Variants in KLHL26 observed in about 807,000 individuals in gnomAD.
KLHL26 encodes kelch like family member 26, also known as kelch-like protein 26.
KLHL26 carries 4 observed loss-of-function variants against 7.1 expected under a neutral mutation model. The observed-to-expected ratio is 0.56, with a 90% confidence interval of 0.28 to 1.28. The LOEUF (loss-of-function observed/expected upper bound fraction) is 1.28. KLHL26 is among the 50% of genes most tolerant of loss of function. KLHL26 has a pLI of 0.11. For missense variants in KLHL26, 896 were observed against 924.6 expected, an observed-to-expected ratio of 0.97 and a Z score of 0.40; for synonymous variants, 465 against 414.1, an observed-to-expected ratio of 1.12 and a Z score of -1.49.
intron 1 of KLHL26, among the ~76,000 whole-genome samples, chr19:18,641,468 G>A (rs1016660228): frequency 5.3e-5 from 8 of 151,460 alleles, no homozygotes; most frequent in African/African-American, 1.9e-4. Context: ...ACAGGTGCAT[G>A]CTACCACACC....
Position 18,649,957 on chromosome 19 carries a change from A to G in KLHL26, c.83+12820A>G, listed in dbSNP as rs1976874961. On this transcript the variant is annotated intron_variant, in intron 1 of 2. Transcript: ENST00000300976. This position sits in a 1 kb window ranked among gnomAD's most constrained non-coding sequence, Gnocchi z 4.0. ...CTCTGTGTGCACCACCACGGTGCAC[A>G]CTGAAAATATTGTGATCTGGGAGGA... Among the ~76,000 whole-genome samples, 1 of 152,208 alleles carries G rather than the reference A, an allele frequency of 6.6e-6. No individual in the cohort carries two copies. Among genetic ancestry groups the G allele is most frequent in the South Asian group, 2.1e-4 (1 of 4,832 alleles).
rs1347359248 is a variant in KLHL26, at chr19:18,669,229, C to T, written c.1832C>T (p.Ala611Val). ...IACAPVLLPR[A>V]GTRR ...TGCGCCCCCGTCCTGCTGCCCCGGG[C>T]CGGGACCAGGAGGTAGCCCCCAAGA... The change falls in exon 3 of 3, where the codon GCC becomes GTC. Residue 611 changes from alanine (A) to valine (V), a missense_variant. Physicochemically the swap from Ala to Val is moderately conservative, Grantham distance 64 (BLOSUM62 0). Coordinates refer to ENST00000300976, the MANE Select transcript of KLHL26 (RefSeq NM_018316.3). The T allele has an allele frequency of 1.1e-5, 17 of 1,609,756 alleles. No homozygotes were observed. In the African/African-American group the frequency reaches 1.1e-4, roughly 10 times the overall value.
chr19:18,667,535 A>G (rs937894255), intron 2 of KLHL26, 129 bp from the exon 3 acceptor site: 9 of 1,440,256 alleles, frequency 6.2e-6, no homozygotes, highest in South Asian at 2.8e-5. Flanking sequence ...CATTCCGCCT[A>G]CTTTCCTCTT....
At position 18,659,553 on chromosome 19, in the gene KLHL26, C is replaced by T. The variant is rs1424746834; in HGVS notation, c.84-4708C>T. ...GCCTATGAGGGGCAATGCCGGCAGG[C>T]TCCGTTCTGGCCCGAGCGCTGGGCT... On this transcript the variant is annotated intron_variant, in intron 1 of 2. Coordinates refer to ENST00000300976, the MANE Select transcript of KLHL26 (RefSeq NM_018316.3). 2.0e-5 allele frequency: 3 copies of T among 152,372 alleles called. No individual in the cohort carries two copies. In the East Asian group the frequency reaches 5.8e-4, roughly 29 times the overall value. 9.4% of individuals were successfully genotyped at this position (152,372 alleles called of 1,614,324 possible). A position where few individuals can be genotyped will look rare whatever the true frequency, so the allele number is the denominator to read the frequency against.
At position 18,668,489 on chromosome 19, in the gene KLHL26, C is replaced by T. The variant is rs1331780661; in HGVS notation, c.1092C>T (p.Tyr364=). 9.3e-6 allele frequency: 15 copies of T among 1,607,422 alleles called. No homozygotes were observed. In the East Asian group the frequency reaches 1.1e-4, roughly 12 times the overall value. The change falls in exon 3 of 3, where the codon TAC becomes TAT. Residue 364 remains tyrosine, a synonymous_variant. Coordinates refer to ENST00000300976, the MANE Select transcript of KLHL26 (RefSeq NM_018316.3). ...TGGCCGTGCTGGACAATTTTGTGTA[C>T]GTGGCCGGGGGGCAGCACCTGCAGT... ...TCVAVLDNFV[Y]VAGGQHLQYR...
chr19:18,652,309 G>T (rs115611136), intron 1 of KLHL26, among the ~76,000 whole-genome samples: 1 of 151,580 alleles, frequency 6.6e-6, no homozygotes, highest in Non-Finnish European at 1.5e-5. Context: ...GCTCCAGCAG[G>T]CCAGGTGCGG....
At chr19:18,658,473 C>T (rs2052356399) in intron 1 of KLHL26, among the ~76,000 whole-genome samples, 2 of 105,622 alleles carry the variant, frequency 1.9e-5, no homozygotes, top group African/African-American at 7.5e-5. Flanking sequence ...CTGTATTTCT[C>T]TCCTTGTCTC....
In KLHL26 at chr19:18,668,685, G is replaced by T. The variant is rs751466088; in HGVS notation, c.1288G>T (p.Val430Leu). 6.3e-7 allele frequency: 1 copy of T among 1,575,896 alleles called. No individual in the cohort carries two copies. Among genetic ancestry groups the T allele is most frequent in the African/African-American group, 1.3e-5 (1 of 74,504 alleles). ...GRNRAGSLAS[V>L]ERYCPRRNEW... ...CAACCGAGCCGGCAGCCTGGCCTCCGTGGAGCGGTACTGCCCCCGGCGCAA... is the reference window on the plus strand; with the variant it reads ...CAACCGAGCCGGCAGCCTGGCCTCCTTGGAGCGGTACTGCCCCCGGCGCAA... The change falls in exon 3 of 3, where the codon GTG (valine) becomes TTG (leucine). Residue 430 changes from valine to leucine, a missense_variant. Coordinates refer to ENST00000300976, the MANE Select transcript of KLHL26 (RefSeq NM_018316.3).
chr19:18,668,580 CGCCTGCAGGCCATGCAGGAAA>C lies in KLHL26; in HGVS notation c.1187_1207del (p.Leu396_Ser402del), dbSNP rs778104145. The stretch of plus-strand genomic sequence containing the variant: ...CGACCCCCACCTGAATCGCTGGCTG[CGCCTGCAGGCCATGCAGGAAA>C]GCCGCATCCAGTTCCAGCTGAACGT... On this transcript the variant is annotated inframe_deletion, in exon 3 of 3. Coordinates refer to ENST00000300976, the MANE Select transcript of KLHL26 (RefSeq NM_018316.3). 6.3e-7 allele frequency: 1 copy of C among 1,590,540 alleles called. No individual in the cohort carries two copies. Among genetic ancestry groups the C allele is most frequent in the Non-Finnish European group, 8.5e-7 (1 of 1,173,398 alleles).
intron 1 of KLHL26, among the ~76,000 whole-genome samples, chr19:18,644,965 A>G (rs937992119): frequency 6.6e-6 from 1 of 151,920 alleles, no homozygotes; most frequent in African/African-American, 2.4e-5. Flanking sequence ...GTTTGTTCCA[A>G]CTTCTGTCTT....
At chr19:18,667,452 C>T (rs1324797729) in intron 2 of KLHL26, 9 of 728,640 alleles carry the variant, frequency 1.2e-5, no homozygotes, top group African/African-American at 3.6e-5. Flanking sequence ...GATCCACCCG[C>T]CTGGGCTTCC....
rs764015226 is a variant in KLHL26, at chr19:18,670,902, G to C, written c.*1657G>C. On this transcript the variant is annotated 3_prime_UTR_variant, in exon 3 of 3. Transcript: ENST00000300976. ...TAATTTTTGTATTTTTAGTACAGACGGGGTTTCACCATGTTGGCCAGGCTG... is the reference window on the plus strand; with the variant it reads ...TAATTTTTGTATTTTTAGTACAGACCGGGTTTCACCATGTTGGCCAGGCTG... 1.3e-5 allele frequency: 2 copies of C among 152,068 alleles called. No homozygotes were observed. Among genetic ancestry groups the C allele is most frequent in the Non-Finnish European group, 2.9e-5 (2 of 68,048 alleles). The allele number at this position is 152,068 out of a possible 1,614,324, so 9.4% of individuals were successfully genotyped here.
chr19:18,650,903 C>T lies in KLHL26; in HGVS notation c.84-13358C>T, dbSNP rs959462492. On this transcript the variant is annotated intron_variant, in intron 1 of 2. Coordinates refer to ENST00000300976, the MANE Select transcript of KLHL26 (RefSeq NM_018316.3). The surrounding 1 kb of genome is among the most constrained non-coding windows in gnomAD (Gnocchi z 4.2). ...GCGGGGCTTCCTGACCCCTCAGCCC[C>T]GGTAGGAAGCTGGTGTGCACTGCAG... 1.3e-5 allele frequency among the ~76,000 whole-genome samples: 2 copies of T among 152,146 alleles called. No individual in the cohort carries two copies. Among genetic ancestry groups the T allele is most frequent in the Admixed American group, 6.5e-5 (1 of 15,280 alleles).
Position 18,637,150 on chromosome 19 carries a change from C to T in KLHL26, c.83+13C>T. On this transcript the variant is annotated intron_variant, in intron 1 of 2. Transcript: ENST00000300976. ...AGCGCCCGAACAGGTGAGACCCGGC[C>T]CGCAGGATAGACCTGCACCTGTCTT... 7.5e-7 allele frequency: 1 copy of T among 1,327,770 alleles called. No homozygotes were observed. The highest frequency in any genetic ancestry group is 9.6e-7 in the Non-Finnish European group (1 of 1,040,364). 82.2% of individuals were successfully genotyped at this position (1,327,770 alleles called of 1,614,324 possible).
chr19:18,667,780 T>TG lies in KLHL26; in HGVS notation c.385dup (p.Asp129GlyfsTer109). 6.2e-7 allele frequency: 1 copy of TG among 1,613,430 alleles called. No individual in the cohort carries two copies. Among genetic ancestry groups the TG allele is most frequent in the African/African-American group, 1.3e-5 (1 of 75,064 alleles). The stretch of plus-strand genomic sequence containing the variant: ...TTCGCCTACAGCGCCGAGGTGACAC[T>TG]GGACCTGGACTGCGTGCAGGACGTG... On this transcript the variant is annotated frameshift_variant, in exon 3 of 3. Coordinates refer to ENST00000300976, the MANE Select transcript of KLHL26 (RefSeq NM_018316.3). LOFTEE classifies it low-confidence loss of function (END_TRUNC).
Position 18,668,777 on chromosome 19 carries a change from C to A in KLHL26, c.1380C>A (p.Gly460=). The A allele has an allele frequency of 6.3e-7, 1 of 1,594,894 alleles. No individual in the cohort carries two copies. The highest frequency in any genetic ancestry group is 1.3e-5 in the African/African-American group (1 of 74,936). The part of the protein sequence containing the change: ...TWGHAGAASG[G]RLYISGGYGI... The stretch of plus-strand genomic sequence containing the variant: ...GCCATGCTGGGGCCGCCTCAGGGGG[C>A]CGCCTCTACATCTCGGGTGGCTACG... The change falls in exon 3 of 3, where the codon GGC becomes GGA. Residue 460 remains glycine, a synonymous_variant. Coordinates refer to ENST00000300976, the MANE Select transcript of KLHL26 (RefSeq NM_018316.3).
At chr19:18,667,354 T>G in intron 2 of KLHL26, 3 of 421,032 alleles carry the variant, frequency 7.1e-6, no homozygotes, top group East Asian at 5.2e-5. Flanking sequence ...TTTTGTTTGT[T>G]TGTTTGTTTG....
intron 1 of KLHL26, among the ~76,000 whole-genome samples, chr19:18,647,095 C>G (rs1976816755): frequency 6.6e-6 from 1 of 152,232 alleles, no homozygotes; most frequent in Non-Finnish European, 1.5e-5. Flanking sequence ...TGAGCCCCTT[C>G]TCTGGGAAGG....
intron 1 of KLHL26, among the ~76,000 whole-genome samples, chr19:18,644,037 G>A (rs1390665735): frequency 4.6e-5 from 7 of 152,084 alleles, no homozygotes; most frequent in South Asian, 2.1e-4. Context: ...CTTTGTCCCC[G>A]CAAAAGGTGA....
Sources: allele counts gnomAD v4.1 joint callset (sites outside exome capture counted in the v4.1 genomes callset), GRCh38; gene constraint gnomAD v4.1.1; non-coding constraint Gnocchi (gnomAD v3.1); transcripts MANE v1.5; gene names NCBI Gene and HGNC (gene_info 2026-07-23, HGNC 2026-07-21).